Variants in CTNNA2 observed in about 807,000 individuals in gnomAD.
The protein encoded by CTNNA2 is catenin alpha 2.
CTNNA2 carries 42 observed loss-of-function variants against 101.0 expected under a neutral mutation model. The ratio of observed to expected loss-of-function variants is 0.42; its 90% CI spans 0.32 to 0.54. The LOEUF (loss-of-function observed/expected upper bound fraction) is 0.54, where lower values mean the gene tolerates loss of function less well. Among genes scored for constraint, CTNNA2 ranks in the 20% least tolerant of loss-of-function variants. CTNNA2 has a pLI of 0.14. For synonymous variants in CTNNA2, 450 were observed against 456.4 expected, an observed-to-expected ratio of 0.99 and a Z score of 0.18; for missense variants, 871 against 1,223.1, an observed-to-expected ratio of 0.71 and a Z score of 4.29.
At chr2:79,413,934 C>CATATATAT (rs70940033) in intron 4 of CTNNA2, among the ~76,000 whole-genome samples, 15 of 140,298 alleles carry the variant, frequency 1.1e-4, no homozygotes, top group South Asian at 2.2e-4. Flanking sequence ...GAGCTGAATT[C>CATATATAT]ATATATATAT....
chr2:80,422,856 A>G (rs774970744), intron 9 of CTNNA2, among the ~76,000 whole-genome samples: 6 of 146,556 alleles, frequency 4.1e-5, no homozygotes, highest in Non-Finnish European at 5.9e-5. Context: ...GAATTCACTG[A>G]TAAAACAATG....
intron 7 of CTNNA2, among the ~76,000 whole-genome samples, chr2:80,265,382 A>G (rs1348975823): frequency 1.3e-5 from 2 of 152,184 alleles, no homozygotes; most frequent in African/African-American, 2.4e-5. Context: ...AGCAGGGGAC[A>G]TGAGTTGGGA....
At chr2:79,574,012 A>G (rs1675630121) in intron 1 of CTNNA2, 2 of 170,262 alleles carry the variant, frequency 1.2e-5, no homozygotes, top group Middle Eastern at 7.8e-4. Context: ...CGGTCATTGA[A>G]AATTGTTTTA....
At chr2:79,339,177 A>C (rs1348225925) in intron 3 of CTNNA2, among the ~76,000 whole-genome samples, 1 of 152,172 alleles carries the variant, frequency 6.6e-6, no homozygotes, top group African/African-American at 2.4e-5. Context: ...TTATAACATA[A>C]AAAACATGGA....
chr2:79,860,741 G>A (rs1681560247), intron 4 of CTNNA2, among the ~76,000 whole-genome samples: 3 of 152,058 alleles, frequency 2.0e-5, no homozygotes, highest in Admixed American at 1.3e-4. Flanking sequence ...TGGAGCAAGT[G>A]AGGAACTACA....
intron 3 of CTNNA2, among the ~76,000 whole-genome samples, chr2:79,844,512 T>C (rs1023418553): frequency 3.9e-5 from 6 of 152,196 alleles, no homozygotes; most frequent in African/African-American, 1.2e-4. Flanking sequence ...TTTCCAGTAG[T>C]AGGAGACAAA....
chr2:80,378,398 A>G (rs1428914280), intron 7 of CTNNA2, among the ~76,000 whole-genome samples: 3 of 147,662 alleles, frequency 2.0e-5, no homozygotes, highest in African/African-American at 7.8e-5. Flanking sequence ...AAATAAATAA[A>G]TAAATAAATA....
chr2:79,524,365 A>G (rs1672282663), intron 1 of CTNNA2, among the ~76,000 whole-genome samples: 1 of 151,886 alleles, frequency 6.6e-6, no homozygotes, highest in Non-Finnish European at 1.5e-5. Context: ...ATTTCCTAAT[A>G]GGTTATTGCT....
At chr2:79,245,401 G>A (rs189748617) in intron 2 of CTNNA2, among the ~76,000 whole-genome samples, 25 of 152,334 alleles carry the variant, frequency 1.6e-4, no homozygotes, top group Non-Finnish European at 1.5e-5. Flanking sequence ...AGTCAGCTGA[G>A]ATCGTGCCAC....
At chr2:79,301,857 G>A (rs1676117390) in intron 2 of CTNNA2, among the ~76,000 whole-genome samples, 1 of 152,184 alleles carries the variant, frequency 6.6e-6, no homozygotes, top group East Asian at 1.9e-4. Flanking sequence ...GGGAGGCTGA[G>A]GCGGGTGGAT....
intron 4 of CTNNA2, among the ~76,000 whole-genome samples, chr2:79,403,345 C>A (rs1294996717): frequency 6.6e-6 from 1 of 151,872 alleles, no homozygotes; most frequent in African/African-American, 2.4e-5. Flanking sequence ...TCACCTAGAA[C>A]TAAACTGTTC....
intron 7 of CTNNA2, among the ~76,000 whole-genome samples, chr2:80,112,065 G>C (rs1023305796): frequency 2.0e-4 from 31 of 152,022 alleles, no homozygotes; most frequent in African/African-American, 5.8e-4. Context: ...TAAAAATTTA[G>C]TAAACTGTTT....
At chr2:80,028,695 A>G (rs531883031) in intron 7 of CTNNA2, among the ~76,000 whole-genome samples, 2 of 152,336 alleles carry the variant, frequency 1.3e-5, no homozygotes, top group South Asian at 2.1e-4. Context: ...TGTGTGCCCA[A>G]TGTAATCACA....
chr2:79,800,026 A>G (rs915952548), intron 3 of CTNNA2, among the ~76,000 whole-genome samples: 1 of 152,192 alleles, frequency 6.6e-6, no homozygotes, highest in African/African-American at 2.4e-5. Context: ...CAGACATTGC[A>G]TAAGATTTTT....
At chr2:80,232,320 G>GTTTTTTTTTTTTTTTTTTTTTTTTTTT (rs1558926232) in intron 7 of CTNNA2, among the ~76,000 whole-genome samples, 1 of 110,598 alleles carries the variant, frequency 9.0e-6, no homozygotes, top group African/African-American at 3.1e-5. Context: ...CAGAATTTGG[G>GTTTTTTTTTTTTTTTTTTTTTTTTTTT]TTTTGTTTGT....
intron 7 of CTNNA2, among the ~76,000 whole-genome samples, chr2:80,015,655 C>T (rs966852791): frequency 6.6e-6 from 1 of 152,138 alleles, no homozygotes; most frequent in African/African-American, 2.4e-5. Context: ...GGATGTCTTT[C>T]TCAATATTCT....
intron 7 of CTNNA2, among the ~76,000 whole-genome samples, chr2:80,107,557 T>C (rs1208742153): frequency 6.6e-6 from 1 of 152,234 alleles, no homozygotes; most frequent in Non-Finnish European, 1.5e-5. Flanking sequence ...AATAAAATTC[T>C]CTGCCTCACC....
At chr2:80,375,562 CTTTTTTTTT>C (rs199662476) in intron 7 of CTNNA2, among the ~76,000 whole-genome samples, 1 of 105,620 alleles carries the variant, frequency 9.5e-6, no homozygotes. Context: ...TTTCTGGCTT[CTTTTTTTTT>C]TTTTTTTTTT....
chr2:80,636,974 C>T (rs918833356), intron 18 of CTNNA2, among the ~76,000 whole-genome samples: 21 of 152,146 alleles, frequency 1.4e-4, no homozygotes, highest in African/African-American at 5.1e-4. Flanking sequence ...CTATTCCCCT[C>T]ATGAACTTCT....
Sources: allele counts gnomAD v4.1 joint callset (sites outside exome capture counted in the v4.1 genomes callset), GRCh38; gene constraint gnomAD v4.1.1; transcripts MANE v1.5; gene names NCBI Gene and HGNC (gene_info 2026-07-23, HGNC 2026-07-21).